The following TUBG1 variants were observed in gnomAD, a reference collection of about 807,000 sequenced individuals.
TUBG1 encodes tubulin gamma-1 chain.
A neutral mutation model predicts 53.3 loss-of-function variants in TUBG1; 22 were observed. The ratio of observed to expected loss-of-function variants is 0.41; its 90% CI spans 0.29 to 0.59. The LOEUF (loss-of-function observed/expected upper bound fraction) is 0.59, where lower values mean the gene tolerates loss of function less well. TUBG1 is among the 20% of genes least tolerant of loss of function. The pLI, the probability that TUBG1 is intolerant of heterozygous loss-of-function variation, is 0.26. For missense variants in TUBG1, 217 were observed against 598.9 expected (o/e 0.36, Z 6.66); for synonymous variants, 198 against 236.7 (o/e 0.84, Z 1.50).
rs761126654 is a variant in TUBG1 at position 42,613,084 on chromosome 17, G to A, written c.606+11G>A. The A allele has an allele frequency of 1.9e-6, 3 of 1,613,404 alleles. No individual in the cohort carries two copies. Among genetic ancestry groups the A allele is most frequent in the South Asian group, 2.2e-5 (2 of 91,032 alleles). On this transcript the variant is annotated intron_variant, in intron 6 of 10. Coordinates refer to ENST00000251413, the MANE Select transcript of TUBG1 (RefSeq NM_001070.5). The stretch of plus-strand genomic sequence containing the variant: ...AATGCAGACTGTGTGGTGAGTCCTG[G>A]ATTCTACCTCTCCCAACTCTCAACA...
At chr17:42,611,810 C>T (rs945671282) in intron 3 of TUBG1, among the ~76,000 whole-genome samples, 30 of 151,122 alleles carry the variant, frequency 2.0e-4, no homozygotes, top group African/African-American at 6.8e-4. Flanking sequence ...GAGCCAAGAT[C>T]GCGCCACTGC....
intron 4 of TUBG1, 68 bp from the exon 5 acceptor site, chr17:42,612,359 A>G (rs2052043054): frequency 6.4e-7 from 1 of 1,556,936 alleles, no homozygotes; most frequent in East Asian, 2.3e-5. Flanking sequence ...CTAAAAAACT[A>G]TGAGATGGGT....
In TUBG1 at chr17:42,613,918, G is replaced by T; in HGVS notation, c.763G>T (p.Gly255Cys). The change falls in exon 8 of 11, where the codon GGC becomes TGC. Residue 255 changes from glycine to cysteine, a missense_variant. Physicochemically the swap from Gly to Cys is radical, Grantham distance 159. This residue lies in a region of TUBG1 where 135 missense variants were observed against 371.2 expected (regional missense o/e 0.36). Transcript: ENST00000251413. ...YPGYMNNDLI[G>C]LIASLIPTPR... ...TGGCTACATGAACAATGACCTCATC[G>T]GCCTCATCGCCTCGCTCATTCCCAC... The T allele has an allele frequency of 6.2e-7, 1 of 1,614,094 alleles. No homozygotes were observed. Among genetic ancestry groups the T allele is most frequent in the Non-Finnish European group, 8.5e-7 (1 of 1,180,016 alleles).
At position 42,614,757 on chromosome 17, in the gene TUBG1, G is replaced by C; in HGVS notation, c.1159-87G>C. The C allele has an allele frequency of 6.2e-7, 1 of 1,606,642 alleles. No individual in the cohort carries two copies. Among genetic ancestry groups the C allele is most frequent in the East Asian group, 2.2e-5 (1 of 44,812 alleles). On this transcript the variant is annotated intron_variant, in intron 10 of 10. Coordinates refer to ENST00000251413, the MANE Select transcript of TUBG1 (RefSeq NM_001070.5). The surrounding 1 kb of genome is among the most constrained non-coding windows in gnomAD (Gnocchi z 5.1). Reference sequence around the variant, plus strand: ...CCCTGCTTCTAGCTTTTTTGCTGTGGGCATAGCCCAGCCTTGGTTCCCCAG... The same window carrying C: ...CCCTGCTTCTAGCTTTTTTGCTGTGCGCATAGCCCAGCCTTGGTTCCCCAG...
In TUBG1 at chr17:42,614,780, C is replaced by T; in HGVS notation, c.1159-64C>T. On this transcript the variant is annotated intron_variant, in intron 10 of 10. Coordinates refer to ENST00000251413, the MANE Select transcript of TUBG1 (RefSeq NM_001070.5). The surrounding 1 kb of genome is among the most constrained non-coding windows in gnomAD (Gnocchi z 5.1). Reference sequence around the variant, plus strand: ...TGGGCATAGCCCAGCCTTGGTTCCCCAGCTTTCTGGGCCACGTTATTCTTT... The same window carrying T: ...TGGGCATAGCCCAGCCTTGGTTCCCTAGCTTTCTGGGCCACGTTATTCTTT... 1 of 1,610,758 alleles carries T rather than the reference C, an allele frequency of 6.2e-7. No individual in the cohort carries two copies. Among genetic ancestry groups the T allele is most frequent in the South Asian group, 1.1e-5 (1 of 90,754 alleles).
intron 5 of TUBG1, among the ~76,000 whole-genome samples, 170 bp from the exon 6 acceptor site, chr17:42,612,777 T>C (rs2052046573): frequency 1.3e-5 from 2 of 152,070 alleles, no homozygotes; most frequent in African/African-American, 2.4e-5. Flanking sequence ...TCTCTGCCCT[T>C]CCCCCTGTAG....
intron 3 of TUBG1, among the ~76,000 whole-genome samples, chr17:42,611,853 C>T (rs1039910706): frequency 2.6e-5 from 4 of 151,358 alleles, no homozygotes; most frequent in Admixed American, 6.6e-5. Flanking sequence ...GAGACTCCAT[C>T]GCAAAAAAAA....
At position 42,614,157 on chromosome 17, in the gene TUBG1, C is replaced by T; in HGVS notation, c.844-103C>T. 1 of 1,592,782 alleles carries T rather than the reference C, an allele frequency of 6.3e-7. No homozygotes were observed. Among genetic ancestry groups the T allele is most frequent in the Non-Finnish European group, 8.6e-7 (1 of 1,167,754 alleles). On this transcript the variant is annotated intron_variant, in intron 8 of 10. Transcript: ENST00000251413. The surrounding 1 kb of genome is among the most constrained non-coding windows in gnomAD (Gnocchi z 5.1). Reference sequence around the variant, plus strand: ...ACAGAGTGGGCGACTTTCTTGCTGACTTGCTCTCCACCCTCCCTCTGCCTT... The same window carrying T: ...ACAGAGTGGGCGACTTTCTTGCTGATTTGCTCTCCACCCTCCCTCTGCCTT...
intron 2 of TUBG1, 80 bp downstream of exon 2, chr17:42,610,300 C>T (rs970262887): frequency 5.6e-6 from 9 of 1,601,110 alleles, no homozygotes; most frequent in South Asian, 2.2e-5. Context: ...CTGGGAACCC[C>T]GCTGGGCAGT....
Position 42,615,073 on chromosome 17 carries a change from A to T in TUBG1, c.*32A>T, listed in dbSNP as rs1329321917. 1.2e-6 allele frequency: 2 copies of T among 1,611,590 alleles called. No homozygotes were observed. The highest frequency in any genetic ancestry group is 3.3e-5 in the Admixed American group (2 of 59,922). ...CAGGACAGGGACCCTCATCTGCCTT[A>T]CTGGTTGGCCCAAGCCCTGCCTGAC... is the stretch of plus-strand genomic sequence containing the variant. On this transcript the variant is annotated 3_prime_UTR_variant, in exon 11 of 11. Transcript: ENST00000251413.
At chr17:42,612,924 A>T in intron 5 of TUBG1, 23 bp from the exon 6 acceptor site, 1 of 1,613,624 alleles carries the variant, frequency 6.2e-7, no homozygotes, top group Non-Finnish European at 8.5e-7. Context: ...TGTTGCCCTG[A>T]TCCTTTCCCC....
In TUBG1 at chr17:42,615,077, G is replaced by T. The variant is rs779127876; in HGVS notation, c.*36G>T. The stretch of plus-strand genomic sequence containing the variant: ...ACAGGGACCCTCATCTGCCTTACTG[G>T]TTGGCCCAAGCCCTGCCTGACTGAC... On this transcript the variant is annotated 3_prime_UTR_variant, in exon 11 of 11. Coordinates refer to ENST00000251413, the MANE Select transcript of TUBG1 (RefSeq NM_001070.5). 8 of 1,610,272 alleles carry T rather than the reference G, an allele frequency of 5.0e-6. No individual in the cohort carries two copies. In the Admixed American group the frequency reaches 1.2e-4, roughly 24 times the overall value.
At position 42,609,710 on chromosome 17, in the gene TUBG1, C is replaced by G; in HGVS notation, c.-28C>G. 6.5e-7 allele frequency: 1 copy of G among 1,542,044 alleles called. No homozygotes were observed. The highest frequency in any genetic ancestry group is 8.7e-7 in the Non-Finnish European group (1 of 1,142,872). Reference sequence around the variant, plus strand: ...CGTGCGGCGCCGTTGCGGGCGGGAGCGGCTGCAACGCCGGTGCCTGAGGAG... The same window carrying G: ...CGTGCGGCGCCGTTGCGGGCGGGAGGGGCTGCAACGCCGGTGCCTGAGGAG... On this transcript the variant is annotated 5_prime_UTR_variant, in exon 1 of 11. Coordinates refer to ENST00000251413, the MANE Select transcript of TUBG1 (RefSeq NM_001070.5).
rs776942849 is a variant in TUBG1 at position 42,614,621 on chromosome 17, C to T, written c.1122C>T (p.Ser374=). ...ACCTGCCCTCGGCCCACCGGGTCAG[C>T]GGGCTCATGATGGCCAACCACACCA... is the stretch of plus-strand genomic sequence containing the variant. ...SPYLPSAHRV[S]GLMMANHTSI... The change falls in exon 10 of 11, where the codon AGC becomes AGT. Residue 374 remains serine (S), a synonymous_variant. Transcript: ENST00000251413. This position sits in a 1 kb window ranked among gnomAD's most constrained non-coding sequence, Gnocchi z 5.1. 3.7e-5 allele frequency: 60 copies of T among 1,613,928 alleles called. No individual in the cohort carries two copies. In the South Asian group the frequency reaches 3.7e-4, roughly 10 times the overall value.
chr17:42,612,818 T>A, intron 5 of TUBG1, 129 bp from the exon 6 acceptor site: 3 of 1,298,084 alleles, frequency 2.3e-6, no homozygotes, highest in Non-Finnish European at 3.2e-6. Flanking sequence ...CAAGGCTCCC[T>A]TCTCTACTGA....
intron 1 of TUBG1, 45 bp from the exon 2 acceptor site, chr17:42,610,063 G>C: frequency 3.7e-6 from 6 of 1,609,198 alleles, no homozygotes; most frequent in Non-Finnish European, 4.3e-6. Flanking sequence ...GAACCTGCCC[G>C]GACCTAGATA....
rs1258431808 is a variant in TUBG1, at chr17:42,612,271, G to A, written c.399+128G>A. On this transcript the variant is annotated intron_variant, in intron 4 of 10. Coordinates refer to ENST00000251413, the MANE Select transcript of TUBG1 (RefSeq NM_001070.5). ...CACTGGACAGAAGCTATCAGGCCTT[G>A]CCAGAAACAAGGCAGTTGCCTAAGC... is the stretch of plus-strand genomic sequence containing the variant. The A allele has an allele frequency of 3.0e-6, 4 of 1,317,220 alleles. No homozygotes were observed. In the African/African-American group the frequency reaches 4.4e-5, roughly 14 times the overall value. The allele number at this position is 1,317,220 out of a possible 1,614,324, so 81.6% of individuals were successfully genotyped here.
chr17:42,613,936 A>G lies in TUBG1; in HGVS notation c.781A>G (p.Ile261Val), dbSNP rs1399630499. 16 of 1,614,084 alleles carry G rather than the reference A, an allele frequency of 9.9e-6. No individual in the cohort carries two copies. Among genetic ancestry groups the G allele is most frequent in the Non-Finnish European group, 1.4e-5 (16 of 1,180,010 alleles). Reference protein sequence around the residue: ...NDLIGLIASLIPTPRLHFLMT... With the variant: ...NDLIGLIASLVPTPRLHFLMT... ...CCTCATCGGCCTCATCGCCTCGCTCATTCCCACCCCACGGCTCCACTTCCT... is the reference window on the plus strand; with the variant it reads ...CCTCATCGGCCTCATCGCCTCGCTCGTTCCCACCCCACGGCTCCACTTCCT... The change falls in exon 8 of 11, where the codon ATT becomes GTT. Residue 261 changes from isoleucine (I) to valine (V), a missense_variant. By Grantham distance (29) the Ile-to-Val change is conservative. Transcript: ENST00000251413.
chr17:42,610,077 T>C (rs747161328), intron 1 of TUBG1, 31 bp from the exon 2 acceptor site: 1 of 1,613,284 alleles, frequency 6.2e-7, no homozygotes, highest in South Asian at 1.1e-5. Flanking sequence ...CTAGATATCT[T>C]CTTTCTCCCC....
Sources: allele counts gnomAD v4.1 joint callset (sites outside exome capture counted in the v4.1 genomes callset), GRCh38; gene constraint gnomAD v4.1.1; regional missense constraint gnomAD v4.1.1; non-coding constraint Gnocchi (gnomAD v3.1); transcripts MANE v1.5; gene names NCBI Gene and HGNC (gene_info 2026-07-23, HGNC 2026-07-21).